The following BRAP variants were observed in gnomAD, a reference collection of about 807,000 sequenced individuals.
The protein encoded by BRAP is BRCA1 associated protein.
In BRAP, 42 loss-of-function variants were observed where a neutral mutation model predicts 73.4. That is an observed-to-expected ratio of 0.57 (90% CI 0.45 to 0.74). BRAP has a LOEUF of 0.74. BRAP is among the 30% of genes least tolerant of loss of function. BRAP has a pLI of 0.00. For missense variants in BRAP, 593 were observed against 751.4 expected (o/e 0.79, Z 2.46); for synonymous variants, 255 against 267.4 (o/e 0.95, Z 0.45).
At chr12:111,661,716 T>TG (rs1592980059) in intron 6 of BRAP, among the ~76,000 whole-genome samples, 1 of 151,058 alleles carries the variant, frequency 6.6e-6, no homozygotes, top group Non-Finnish European at 1.5e-5. Flanking sequence ...AAAAAAGGTT[T>TG]TTTTTTTTTT....
chr12:111,662,303 C>A (rs890333550), intron 6 of BRAP, among the ~76,000 whole-genome samples: 3 of 152,104 alleles, frequency 2.0e-5, no homozygotes, highest in Admixed American at 1.3e-4. Context: ...GTAATCCCAG[C>A]ACTTTGGGAG....
intron 11 of BRAP, among the ~76,000 whole-genome samples, chr12:111,647,262 C>A (rs1424712969): frequency 6.6e-6 from 1 of 152,106 alleles, no homozygotes; most frequent in African/African-American, 2.4e-5. Context: ...CACAGCAAGA[C>A]CTTATTTCAA....
chr12:111,679,139 A>G lies in BRAP; in HGVS notation c.633+12T>C, dbSNP rs146356085. 0.011 allele frequency: 15,742 copies of G among 1,467,866 alleles called. 128 individuals are homozygous for G. The highest frequency in any genetic ancestry group is 0.012 in the Non-Finnish European group (12,772 of 1,096,450). The allele number at this position is 1,467,866 out of a possible 1,614,324, so 90.9% of individuals were successfully genotyped here. A position where few individuals can be genotyped will look rare whatever the true frequency, so the allele number is the denominator to read the frequency against. On this transcript the variant is annotated intron_variant, in intron 4 of 11. Coordinates refer to ENST00000419234, the MANE Select transcript of BRAP (RefSeq NM_006768.5). ...TGGCAAAGAGATTTTTAATAAATTT[A>G]ATAACTTTTACCTGTGCACGAAACT...
In BRAP at chr12:111,679,318, CTTCTT is replaced by C. The variant is rs1344885515; in HGVS notation, c.461_465del (p.Lys154ArgfsTer21). ...CACAGCATGGCACTGCGCCGCACAT[CTTCTT>C]TTAAGGAGGTCATCTTACTAACAAA... On this transcript the variant is annotated frameshift_variant, in exon 4 of 12. Transcript: ENST00000419234. LOFTEE classifies it high-confidence loss of function. The C allele has an allele frequency of 6.4e-7, 1 of 1,551,490 alleles. No homozygotes were observed. Among genetic ancestry groups the C allele is most frequent in the African/African-American group, 1.4e-5 (1 of 73,354 alleles).
At chr12:111,682,678 G>A (rs1298548438) in intron 2 of BRAP, among the ~76,000 whole-genome samples, 14 of 152,010 alleles carry the variant, frequency 9.2e-5, no homozygotes, top group African/African-American at 2.7e-4. Flanking sequence ...TTGGGAGGCC[G>A]AGGCAGGTGG....
At chr12:111,676,283 A>T (rs960097103) in intron 4 of BRAP, among the ~76,000 whole-genome samples, 3 of 152,218 alleles carry the variant, frequency 2.0e-5, no homozygotes, top group Non-Finnish European at 4.4e-5. Context: ...TGAGGAAAAG[A>T]ATAAAAACAT....
At chr12:111,667,765 A>G (rs1887011635) in intron 5 of BRAP, among the ~76,000 whole-genome samples, 1 of 151,382 alleles carries the variant, frequency 6.6e-6, no homozygotes, top group African/African-American at 2.4e-5. Flanking sequence ...ACCCTACAAT[A>G]TACAAATCTC....
At chr12:111,667,156 C>G (rs1886976660) in intron 5 of BRAP, among the ~76,000 whole-genome samples, 1 of 152,098 alleles carries the variant, frequency 6.6e-6, no homozygotes, top group Admixed American at 6.6e-5. Context: ...ACTAAGAGTT[C>G]TATATACATT....
intron 5 of BRAP, among the ~76,000 whole-genome samples, chr12:111,666,043 T>C (rs571030871): frequency 1.8e-4 from 27 of 152,318 alleles, no homozygotes; most frequent in African/African-American, 6.5e-4. Flanking sequence ...AGTTGCTTTT[T>C]TGACTCCTGG....
chr12:111,667,574 C>T (rs1886992161), intron 5 of BRAP, among the ~76,000 whole-genome samples: 2 of 151,344 alleles, frequency 1.3e-5, no homozygotes, highest in African/African-American at 4.9e-5. Context: ...GTCGTGGGTG[C>T]CTGTAATCCC....
In BRAP at chr12:111,642,806, GTT is replaced by G. The variant is rs758217309; in HGVS notation, c.*1391_*1392del. 9.9e-5 allele frequency: 15 copies of G among 152,132 alleles called. No homozygotes were observed. Among genetic ancestry groups the G allele is most frequent in the Non-Finnish European group, 1.8e-4 (12 of 68,030 alleles). The allele number at this position is 152,132 out of a possible 1,614,324, so 9.4% of individuals were successfully genotyped here. A position where few individuals can be genotyped will look rare whatever the true frequency, so the allele number is the denominator to read the frequency against. ...TTCATTTTGCAACATTACACGTAAA[GTT>G]TTTTGGGAAATGCTGCAGCACATCC... On this transcript the variant is annotated 3_prime_UTR_variant, in exon 12 of 12. Coordinates refer to ENST00000419234, the MANE Select transcript of BRAP (RefSeq NM_006768.5).
intron 5 of BRAP, among the ~76,000 whole-genome samples, chr12:111,666,951 G>A (rs984549983): frequency 1.3e-4 from 20 of 151,998 alleles, no homozygotes; most frequent in African/African-American, 4.1e-4. Context: ...CAAATTTATC[G>A]GTATTTTAGT....
chr12:111,661,748 GTCAC>G (rs2135909478), intron 6 of BRAP, among the ~76,000 whole-genome samples: 1 of 144,400 alleles, frequency 6.9e-6, no homozygotes, highest in South Asian at 2.2e-4. Context: ...GTCCTGCTCT[GTCAC>G]TCAGGCTAGA....
In BRAP at chr12:111,642,944, A is replaced by T. The variant is rs996014456; in HGVS notation, c.*1255T>A. ...ATTACAGGCTAAAAACCTATTCTGAAATGTGATCATTTGAAAACCTGTGGC... is the reference window on the plus strand; with the variant it reads ...ATTACAGGCTAAAAACCTATTCTGATATGTGATCATTTGAAAACCTGTGGC... On this transcript the variant is annotated 3_prime_UTR_variant, in exon 12 of 12. Transcript: ENST00000419234. The T allele has an allele frequency of 1.5e-4, 23 of 152,206 alleles. No homozygotes were observed. Among genetic ancestry groups the T allele is most frequent in the Admixed American group, 2.6e-4 (4 of 15,268 alleles). The allele number at this position is 152,206 out of a possible 1,614,324, so 9.4% of individuals were successfully genotyped here.
intron 5 of BRAP, 94 bp downstream of exon 5, chr12:111,672,567 C>T (rs1441527720): frequency 7.6e-6 from 8 of 1,049,386 alleles, no homozygotes; most frequent in African/African-American, 1.6e-5. Flanking sequence ...TGTCTATGGA[C>T]TGGCCTATTC....
chr12:111,669,282 T>G (rs1406348122), intron 5 of BRAP, among the ~76,000 whole-genome samples: 3 of 151,112 alleles, frequency 2.0e-5, no homozygotes, highest in African/African-American at 7.3e-5. Flanking sequence ...CAGGCTGGAG[T>G]GCAATGGTGT....
intron 11 of BRAP, among the ~76,000 whole-genome samples, chr12:111,647,633 C>T (rs537362998): frequency 2.6e-5 from 4 of 152,250 alleles, no homozygotes; most frequent in Non-Finnish European, 4.4e-5. Context: ...AGGCCAAGCA[C>T]GGTGGCTCAC....
chr12:111,669,982 A>G (rs948783729), intron 5 of BRAP: 5 of 652,504 alleles, frequency 7.7e-6, no homozygotes, highest in Non-Finnish European at 1.4e-5. Context: ...TATCCCTTCC[A>G]ATATTCTTCA....
At position 111,672,685 on chromosome 12, in the gene BRAP, T is replaced by C. The variant is rs3782886; in HGVS notation, c.723A>G (p.Arg241=). The change falls in exon 5 of 12, where the codon AGA becomes AGG. Residue 241 remains arginine (R), a synonymous_variant. Coordinates refer to ENST00000419234, the MANE Select transcript of BRAP (RefSeq NM_006768.5). ...CATCTTCAGATTTGAGCACTTCAGC[T>C]CTTTCCACATACACTAGCTGGCAAA... ...DDVCQLVYVE[R]AEVLKSEDGA... 7.4e-3 allele frequency: 11,921 copies of C among 1,613,886 alleles called. 1,521 individuals carry two copies. The East Asian group carries it at 0.25, about 35-fold the overall frequency.
Sources: gnomAD v4.1 joint callset for allele counts (sites outside exome capture counted in the v4.1 genomes callset) on GRCh38, gnomAD v4.1.1 for gene constraint, MANE v1.5 for transcripts, NCBI Gene and HGNC (gene_info 2026-07-23, HGNC 2026-07-21) for gene names.